Variants in LRRK2 observed in about 807,000 individuals in gnomAD.
LRRK2 encodes leucine rich repeat kinase 2.
In LRRK2, 203 loss-of-function variants were observed where a neutral mutation model predicts 302.6. The ratio of observed to expected loss-of-function variants is 0.67; its 90% CI spans 0.60 to 0.75. The LOEUF (loss-of-function observed/expected upper bound fraction) is 0.75. Ranked by LOEUF, LRRK2 falls within the 30% of genes least tolerant of loss-of-function variation. LRRK2 has a pLI of 0.00. For missense variants in LRRK2, 2,830 were observed against 2,951.0 expected, an observed-to-expected ratio of 0.96 and a Z score of 0.95; for synonymous variants, 1,066 against 1,031.9, an observed-to-expected ratio of 1.03 and a Z score of -0.63.
In LRRK2 at chr12:40,282,497, A is replaced by G. The variant is rs534919713; in HGVS notation, c.2242-1378A>G. 2.0e-4 allele frequency among the ~76,000 whole-genome samples: 30 copies of G among 152,290 alleles called. No homozygotes were observed. In the South Asian group the frequency reaches 5.2e-3, roughly 26 times the overall value. ...TTCTCTGCAAGAAAGTTTGAAGCCA[A>G]TTCTTCAAGAATGAACACCTTTTTG... On this transcript the variant is annotated intron_variant, in intron 18 of 50. Transcript: ENST00000298910.
chr12:40,285,571 G>A (rs1194482369), intron 19 of LRRK2, among the ~76,000 whole-genome samples: 1 of 151,862 alleles, frequency 6.6e-6, no homozygotes, highest in Non-Finnish European at 1.5e-5. Context: ...ACCTCACAAT[G>A]TACTGTTAGG....
At chr12:40,301,849 C>T (rs1379086792) in intron 25 of LRRK2, among the ~76,000 whole-genome samples, 1 of 152,054 alleles carries the variant, frequency 6.6e-6, no homozygotes, top group East Asian at 1.9e-4. Flanking sequence ...AATTTTATTT[C>T]TTGGAGGTAC....
intron 25 of LRRK2, among the ~76,000 whole-genome samples, chr12:40,300,391 A>G (rs552585935): frequency 3.3e-5 from 5 of 152,330 alleles, no homozygotes; most frequent in African/African-American, 1.2e-4. Context: ...GGAATTCCCC[A>G]TATTTTATCT....
In LRRK2 at chr12:40,293,552, A is replaced by G; in HGVS notation, c.2697A>G (p.Glu899=). 6.3e-7 allele frequency: 1 copy of G among 1,594,250 alleles called. No individual in the cohort carries two copies. Among genetic ancestry groups the G allele is most frequent in the African/African-American group, 1.3e-5 (1 of 74,650 alleles). The part of the protein sequence containing the change: ...QSDDLDSEGS[E]GSFLVKKKSN... ...TTATCATTTTCAAAATAGGAAGTGA[A>G]GGCTCATTTCTTGTGAAAAAGAAAT... The change falls in exon 21 of 51, where the codon GAA becomes GAG. Residue 899 remains glutamate (E), a synonymous_variant. Transcript: ENST00000298910.
rs36223896 is a variant in LRRK2 at position 40,257,130 on chromosome 12, A to G, written c.1289-118A>G. ...TTAAGCTGTCAATGAACTATAAATT[A>G]TGTGTGCTCTTGTATATGCTTTCCT... On this transcript the variant is annotated intron_variant, in intron 11 of 50. Coordinates refer to ENST00000298910, the MANE Select transcript of LRRK2 (RefSeq NM_198578.4). 1,827 of 722,364 alleles carry G rather than the reference A, an allele frequency of 2.5e-3. 6 individuals are homozygous for G. Among genetic ancestry groups the G allele is most frequent in the Middle Eastern group, 5.1e-3 (13 of 2,536 alleles). 44.7% of individuals were successfully genotyped at this position (722,364 alleles called of 1,614,324 possible).
chr12:40,305,764 G>T, intron 27 of LRRK2, 21 bp from the exon 28 acceptor site: 1 of 1,611,350 alleles, frequency 6.2e-7, no homozygotes, highest in Non-Finnish European at 8.5e-7. Flanking sequence ...AACAGGTTTT[G>T]CCCTTTTTTT....
chr12:40,263,969 C>A (rs10784462), intron 14 of LRRK2, 68 bp downstream of exon 14: 7 of 1,147,938 alleles, frequency 6.1e-6, no homozygotes, highest in South Asian at 1.3e-5. Context: ...GAACTAGGGG[C>A]GCTTTTTCAG....
chr12:40,234,715 AC>A (rs1941372515), intron 3 of LRRK2, among the ~76,000 whole-genome samples: 1 of 152,038 alleles, frequency 6.6e-6, no homozygotes, highest in Non-Finnish European at 1.5e-5. Flanking sequence ...TCTTTTAAAA[AC>A]AGTAGCAATC....
chr12:40,359,341 T>G lies in LRRK2; in HGVS notation c.6925T>G (p.Ser2309Ala). 6.2e-7 allele frequency: 1 copy of G among 1,613,296 alleles called. No individual in the cohort carries two copies. Among genetic ancestry groups the G allele is most frequent in the Non-Finnish European group, 8.5e-7 (1 of 1,179,554 alleles). ...PLMCLSESTN[S>A]TERNVMWGGC... is the part of the protein sequence containing the mutation. ...GATGTGTTTGAGTGAATCCACAAAT[T>G]CAACGGAAAGAAATGTAATGTGGGG... The change falls in exon 47 of 51, where the codon TCA becomes GCA. Residue 2309 changes from serine to alanine, a missense_variant. Physicochemically the swap from Ser to Ala is moderately conservative, Grantham distance 99. Around this residue, in one of 3 missense-constraint regions of LRRK2, gnomAD observed 456 missense variants for 456.3 expected, o/e 1.00. Transcript: ENST00000298910.
intron 45 of LRRK2, among the ~76,000 whole-genome samples, chr12:40,354,895 C>A (rs954888178): frequency 1.3e-5 from 2 of 151,480 alleles, no homozygotes; most frequent in Non-Finnish European, 2.9e-5. Context: ...TTAAACATAC[C>A]AGTTATCTAA....
At chr12:40,243,753 C>T in intron 7 of LRRK2, 72 bp downstream of exon 7, 3 of 1,339,204 alleles carry the variant, frequency 2.2e-6, no homozygotes, top group African/African-American at 1.4e-5. Context: ...ATATATGTTG[C>T]ATAATAATGG....
At chr12:40,325,375 C>T (rs1439640098) in intron 38 of LRRK2, among the ~76,000 whole-genome samples, 1 of 152,170 alleles carries the variant, frequency 6.6e-6, no homozygotes, top group Non-Finnish European at 1.5e-5. Flanking sequence ...GACCCATGTC[C>T]CATAAATCCA....
chr12:40,245,060 T>C (rs1941919779), intron 7 of LRRK2, among the ~76,000 whole-genome samples: 1 of 151,974 alleles, frequency 6.6e-6, no homozygotes, highest in African/African-American at 2.4e-5. Flanking sequence ...TTCACCGTCT[T>C]TATGGTGGCT....
intron 49 of LRRK2, chr12:40,365,286 G>A: frequency 4.3e-6 from 2 of 464,520 alleles, no homozygotes; most frequent in East Asian, 3.6e-5. Flanking sequence ...ACTCAGTTTG[G>A]GTCTTACTTG....
chr12:40,326,094 A>G (rs780369566), intron 38 of LRRK2, among the ~76,000 whole-genome samples: 9 of 152,210 alleles, frequency 5.9e-5, no homozygotes, highest in Non-Finnish European at 8.8e-5. Context: ...TTTTGTTTTC[A>G]GTCACCTGAA....
At chr12:40,318,958 C>A (rs891791659) in intron 33 of LRRK2, among the ~76,000 whole-genome samples, 9 of 152,016 alleles carry the variant, frequency 5.9e-5, no homozygotes, top group African/African-American at 2.2e-4. Flanking sequence ...AAATACTGTA[C>A]ATACAAAATA....
chr12:40,315,119 G>A, intron 32 of LRRK2, 93 bp from the exon 33 acceptor site: 1 of 1,036,882 alleles, frequency 9.6e-7, no homozygotes, highest in Non-Finnish European at 1.5e-6. Context: ...TTCTTCACCT[G>A]CAAAATGAGG....
chr12:40,242,464 T>TA (rs1386264301), intron 6 of LRRK2, among the ~76,000 whole-genome samples: 1 of 152,062 alleles, frequency 6.6e-6, no homozygotes, highest in Non-Finnish European at 1.5e-5. Context: ...CTTTCTGTTT[T>TA]ACCTGTGTTT....
intron 40 of LRRK2, among the ~76,000 whole-genome samples, chr12:40,336,415 C>A (rs1467064279): frequency 6.6e-6 from 1 of 152,126 alleles, no homozygotes; most frequent in African/African-American, 2.4e-5. Flanking sequence ...TATTGTCTGT[C>A]TTGCCATCAG....
Sources: allele counts gnomAD v4.1 joint callset (sites outside exome capture counted in the v4.1 genomes callset), GRCh38; gene constraint gnomAD v4.1.1; regional missense constraint gnomAD v4.1.1; transcripts MANE v1.5; gene names NCBI Gene and HGNC (gene_info 2026-07-23, HGNC 2026-07-21).